BRINP1: variants seen among roughly 807,000 people sequenced by gnomAD.
BRINP1 encodes BMP/retinoic acid-inducible neural-specific protein 1.
Under a neutral mutation model 72.9 loss-of-function variants are expected in BRINP1, and 17 were observed. That is an observed-to-expected ratio of 0.23 (90% CI 0.16 to 0.35). The LOEUF (loss-of-function observed/expected upper bound fraction) is 0.35, where lower values mean the gene tolerates loss of function less well. BRINP1 is among the 10% of genes least tolerant of loss of function. The pLI, the probability that BRINP1 is intolerant of heterozygous loss-of-function variation, is 1.00. For synonymous variants in BRINP1, 418 were observed against 378.5 expected, an observed-to-expected ratio of 1.10 and a Z score of -1.21; for missense variants, 850 against 1,001.6, an observed-to-expected ratio of 0.85 and a Z score of 2.04.
At chr9:119,356,480 C>CATCTGGCAA (rs1831567023) in intron 1 of BRINP1, among the ~76,000 whole-genome samples, 1 of 152,140 alleles carries the variant, frequency 6.6e-6, no homozygotes, top group African/African-American at 2.4e-5. Context: ...CATAAAAAAG[C>CATCTGGCAA]ATCTGGCAAA....
Position 119,167,171 on chromosome 9 carries a change from G to C in BRINP1, c.2199C>G (p.Ser733Arg). The C allele has an allele frequency of 6.2e-7, 1 of 1,614,114 alleles. No individual in the cohort carries two copies. Among genetic ancestry groups the C allele is most frequent in the Non-Finnish European group, 8.5e-7 (1 of 1,180,042 alleles). The change falls in exon 8 of 8, where the codon AGC becomes AGG. Residue 733 changes from serine to arginine, a missense_variant. By Grantham distance (110) the Ser-to-Arg change is moderately radical. Transcript: ENST00000265922. This position sits in a 1 kb window ranked among gnomAD's most constrained non-coding sequence, Gnocchi z 4.3. ...AGGCGTGGTTCACCCTGATGATCTC[G>C]CTGTTGGTCAGTTTCAGGCGGTGTT... is the stretch of plus-strand genomic sequence containing the variant. The part of the protein sequence containing the change: ...MLKHRLKLTN[S>R]EIIRVNHALD...
rs1472802968 is a variant in BRINP1, at chr9:119,313,399, T to C, written c.-44A>G. ...TTCCTCTCATTCTTGCTCCATTCTG[T>C]GGAGTCCTATAGAAGAAAGAATAAA... On this transcript the variant is annotated 5_prime_UTR_variant, in exon 2 of 8. Transcript: ENST00000265922. 1 of 1,603,376 alleles carries C rather than the reference T, an allele frequency of 6.2e-7. No homozygotes were observed. The highest frequency in any genetic ancestry group is 2.2e-5 in the East Asian group (1 of 44,780).
At chr9:119,328,279 T>C (rs1831259598) in intron 1 of BRINP1, among the ~76,000 whole-genome samples, 1 of 152,094 alleles carries the variant, frequency 6.6e-6, no homozygotes, top group African/African-American at 2.4e-5. Flanking sequence ...TAGCTGACAG[T>C]TGTCAACAGC....
chr9:119,226,586 A>C (rs1484256544), intron 5 of BRINP1, among the ~76,000 whole-genome samples: 2 of 151,974 alleles, frequency 1.3e-5, no homozygotes, highest in Admixed American at 6.6e-5. Flanking sequence ...TCCAGATTCC[A>C]GGTTTCTGTA....
chr9:119,217,811 T>G (rs1829994762), intron 5 of BRINP1, among the ~76,000 whole-genome samples: 1 of 152,184 alleles, frequency 6.6e-6, no homozygotes, highest in Non-Finnish European at 1.5e-5. Flanking sequence ...TCTCCTAATA[T>G]TCTCTTCTGT....
chr9:119,228,722 T>C (rs1464860783), intron 5 of BRINP1, among the ~76,000 whole-genome samples: 2 of 152,060 alleles, frequency 1.3e-5, no homozygotes, highest in African/African-American at 2.4e-5. Context: ...GGAGGAAAGA[T>C]AATCTGCGTG....
intron 2 of BRINP1, among the ~76,000 whole-genome samples, chr9:119,303,383 A>C (rs1830961381): frequency 6.6e-6 from 1 of 150,788 alleles, no homozygotes; most frequent in South Asian, 2.1e-4. Context: ...GCAATCCCTG[A>C]GGGACAAATG....
intron 2 of BRINP1, among the ~76,000 whole-genome samples, chr9:119,254,117 T>C (rs560380957): frequency 5.2e-4 from 79 of 152,266 alleles, no homozygotes; most frequent in African/African-American, 1.8e-3. Flanking sequence ...ATATTCGAAA[T>C]TTGAGCACCT....
intron 5 of BRINP1, among the ~76,000 whole-genome samples, chr9:119,234,646 C>T (rs1050492965): frequency 6.6e-5 from 10 of 151,930 alleles, no homozygotes; most frequent in African/African-American, 2.4e-4. Flanking sequence ...AATTTATTAG[C>T]CTTTTTTTCT....
rs775083398 is a variant in BRINP1 at position 119,242,172 on chromosome 9, T to C, written c.454A>G (p.Arg152Gly). Residue 152 changes from arginine to glycine, a missense_variant, in exon 4 of 8, where the codon AGG (arginine) becomes GGG (glycine). Coordinates refer to ENST00000265922, the MANE Select transcript of BRINP1 (RefSeq NM_014618.3). The part of the protein sequence containing the change: ...TMYMDKSRLD[R>G]KSGNATQSVE... ...CTTTGAGTGGCATTCCCTGACTTCC[T>C]GTCGAGGCGACTTTTGTCCATATAC... 23 of 1,614,188 alleles carry C rather than the reference T, an allele frequency of 1.4e-5. 1 individual carries two copies. Among genetic ancestry groups the C allele is most frequent in the Non-Finnish European group, 1.9e-5 (23 of 1,180,038 alleles).
intron 7 of BRINP1, among the ~76,000 whole-genome samples, chr9:119,169,177 G>A (rs932048279): frequency 5.7e-4 from 87 of 152,224 alleles, no homozygotes; most frequent in African/African-American, 1.7e-3. Context: ...CAGCGTGAGC[G>A]ACGCAGAAGA....
At chr9:119,276,693 A>G (rs1830660727) in intron 2 of BRINP1, among the ~76,000 whole-genome samples, 1 of 152,158 alleles carries the variant, frequency 6.6e-6, no homozygotes, top group African/African-American at 2.4e-5. Flanking sequence ...TCTCCAGGGT[A>G]GATACTGAGA....
intron 1 of BRINP1, among the ~76,000 whole-genome samples, chr9:119,365,696 G>A (rs1453577982): frequency 6.6e-6 from 1 of 152,154 alleles, no homozygotes; most frequent in Non-Finnish European, 1.5e-5. Flanking sequence ...GAACCTATCA[G>A]GGGAGGGTGT....
At chr9:119,228,474 T>C (rs1013173629) in intron 5 of BRINP1, among the ~76,000 whole-genome samples, 1 of 143,658 alleles carries the variant, frequency 7.0e-6, no homozygotes, top group African/African-American at 2.6e-5. Context: ...TGTTGCAAGG[T>C]GAGTAAAATA....
At chr9:119,178,212 G>T (rs230148) in intron 7 of BRINP1, among the ~76,000 whole-genome samples, 102,428 of 152,032 alleles carry the variant, frequency 0.67, 36,411 homozygotes, top group African/African-American at 0.92. Context: ...GAGCCCAGGC[G>T]GGGGTTCCTA....
At chr9:119,321,367 T>C (rs1005304512) in intron 1 of BRINP1, among the ~76,000 whole-genome samples, 11 of 152,364 alleles carry the variant, frequency 7.2e-5, no homozygotes, top group African/African-American at 2.2e-4. Context: ...AAGCCCCTGG[T>C]CACATGTGTC....
rs1296146869 is a variant in BRINP1, at chr9:119,313,044, A to G, written c.218+94T>C. 3.6e-6 allele frequency: 5 copies of G among 1,395,194 alleles called. No individual in the cohort carries two copies. The African/African-American group carries it at 7.2e-5, about 20-fold the overall frequency. 86.4% of individuals were successfully genotyped at this position (1,395,194 alleles called of 1,614,324 possible). ...AGGAGCACAGACCCTTGACCCAGAC[A>G]CTTCTGCACACAGCAAGGTTTGCAC... is the stretch of plus-strand genomic sequence containing the variant. On this transcript the variant is annotated intron_variant, in intron 2 of 7. Transcript: ENST00000265922.
intron 1 of BRINP1, among the ~76,000 whole-genome samples, chr9:119,318,878 T>C (rs1360357347): frequency 6.6e-6 from 1 of 151,402 alleles, no homozygotes; most frequent in Non-Finnish European, 1.5e-5. Context: ...TGTGTGTGTG[T>C]GTGTGTGCAG....
At chr9:119,212,628 G>A (rs1337523357) in intron 6 of BRINP1, among the ~76,000 whole-genome samples, 2 of 152,166 alleles carry the variant, frequency 1.3e-5, no homozygotes. Context: ...CTTCCTTTAA[G>A]GTGGCTATTA....
Sources: allele counts gnomAD v4.1 joint callset (sites outside exome capture counted in the v4.1 genomes callset), GRCh38; gene constraint gnomAD v4.1.1; non-coding constraint Gnocchi (gnomAD v3.1); transcripts MANE v1.5; gene names NCBI Gene and HGNC (gene_info 2026-07-23, HGNC 2026-07-21).